The following MAN1A2 variants were observed in gnomAD, a reference collection of about 807,000 sequenced individuals.
The protein encoded by MAN1A2 is mannosyl-oligosaccharide 1,2-alpha-mannosidase IB.
In MAN1A2, 26 loss-of-function variants were observed where a neutral mutation model predicts 75.7. That is an observed-to-expected ratio of 0.34 (90% CI 0.25 to 0.48). MAN1A2 has a LOEUF of 0.48. Ranked by LOEUF, MAN1A2 falls within the 20% of genes least tolerant of loss-of-function variation. MAN1A2 has a pLI of 0.99. For synonymous variants in MAN1A2, 247 were observed against 264.6 expected (o/e 0.93, Z 0.65); for missense variants, 562 against 775.5 (o/e 0.72, Z 3.27).
At chr1:117,401,248 T>TA (rs1435876661) in intron 1 of MAN1A2, among the ~76,000 whole-genome samples, 1 of 152,060 alleles carries the variant, frequency 6.6e-6, no homozygotes, top group African/African-American at 2.4e-5. Flanking sequence ...TTTAGTGTTT[T>TA]AAAAAAACAC....
At position 117,527,299 on chromosome 1, in the gene MAN1A2, T is replaced by G. The variant is rs1328201423; in HGVS notation, c.*4342T>G. ...ACTATGTAAAGAATGGGCGTAGCTATGTTCCAGGAAAACTTTATTTACAAA... is the reference window on the plus strand; with the variant it reads ...ACTATGTAAAGAATGGGCGTAGCTAGGTTCCAGGAAAACTTTATTTACAAA... On this transcript the variant is annotated 3_prime_UTR_variant, in exon 13 of 13. Transcript: ENST00000356554. The G allele has an allele frequency of 6.6e-6, 1 of 151,932 alleles. No homozygotes were observed. The highest frequency in any genetic ancestry group is 2.4e-5 in the African/African-American group (1 of 41,412). 9.4% of individuals were successfully genotyped at this position (151,932 alleles called of 1,614,324 possible).
At chr1:117,398,258 C>T (rs1419164072) in intron 1 of MAN1A2, among the ~76,000 whole-genome samples, 4 of 152,036 alleles carry the variant, frequency 2.6e-5, no homozygotes. Flanking sequence ...TTTGTCTAAT[C>T]TAGGAGAAGT....
At chr1:117,491,411 G>A (rs1421559517) in intron 8 of MAN1A2, among the ~76,000 whole-genome samples, 2 of 152,084 alleles carry the variant, frequency 1.3e-5, no homozygotes, top group Non-Finnish European at 2.9e-5. Flanking sequence ...GAGCACATCT[G>A]TTGATGGCAG....
intron 12 of MAN1A2, chr1:117,515,450 A>T (rs1557981102): frequency 6.6e-6 from 1 of 152,126 alleles, no homozygotes; most frequent in Non-Finnish European, 1.5e-5. Flanking sequence ...CAGAGAAGGG[A>T]ATTTTGGTGC....
chr1:117,368,345 C>T lies in MAN1A2; in HGVS notation c.162C>T (p.Phe54=), dbSNP rs1652839363. 2 of 1,614,070 alleles carry T rather than the reference C, an allele frequency of 1.2e-6. No homozygotes were observed. Among genetic ancestry groups the T allele is most frequent in the Non-Finnish European group, 1.7e-6 (2 of 1,180,012 alleles). ...TCATCACTCTGTGTTTTGGGGCATT[C>T]TTTTTCCTTCCAGACTCTTCAAAAC... The part of the protein sequence containing the change: ...SAFITLCFGA[F]FFLPDSSKHK... Residue 54 remains phenylalanine (F), a synonymous_variant, in exon 1 of 13, where the codon TTC becomes TTT. Transcript: ENST00000356554.
intron 1 of MAN1A2, among the ~76,000 whole-genome samples, chr1:117,375,915 G>GTT (rs33969366): frequency 0.32 from 44,915 of 140,824 alleles, 8,079 homozygotes; most frequent in East Asian, 0.47. Flanking sequence ...ATTAATTTAT[G>GTT]TTTTTTTTTT....
At chr1:117,433,225 G>A (rs998590423) in intron 5 of MAN1A2, among the ~76,000 whole-genome samples, 3 of 152,010 alleles carry the variant, frequency 2.0e-5, no homozygotes, top group Non-Finnish European at 2.9e-5. Flanking sequence ...CCAACATGGA[G>A]TGCAAGGGAA....
intron 6 of MAN1A2, among the ~76,000 whole-genome samples, chr1:117,442,900 A>G (rs1026272125): frequency 6.6e-6 from 1 of 152,174 alleles, no homozygotes; most frequent in Admixed American, 6.5e-5. Context: ...AATCGAAAAC[A>G]TTGGTTTTTT....
At chr1:117,449,358 A>G (rs1374629116) in intron 6 of MAN1A2, among the ~76,000 whole-genome samples, 1 of 152,110 alleles carries the variant, frequency 6.6e-6, no homozygotes, top group Non-Finnish European at 1.5e-5. Flanking sequence ...TAGGAGTTCG[A>G]GACCAGCCTG....
At position 117,373,531 on chromosome 1, in the gene MAN1A2, G is replaced by A. The variant is rs577886035; in HGVS notation, c.302+5046G>A. ...TACATTCTGTGGTCCAGGCTGGAGT[G>A]CAGTGGCACAATTACAGTTCACTAT... is the stretch of plus-strand genomic sequence containing the variant. On this transcript the variant is annotated intron_variant, in intron 1 of 12. Transcript: ENST00000356554. 2.7e-5 allele frequency among the ~76,000 whole-genome samples: 4 copies of A among 146,998 alleles called. No homozygotes were observed. In the South Asian group the frequency reaches 8.7e-4, roughly 32 times the overall value.
At chr1:117,518,512 A>C (rs925823095) in intron 12 of MAN1A2, among the ~76,000 whole-genome samples, 3 of 152,044 alleles carry the variant, frequency 2.0e-5, no homozygotes, top group Non-Finnish European at 2.9e-5. Context: ...ATTTAAAAAA[A>C]CAGTAAAGAA....
At chr1:117,389,026 A>G (rs1653633587) in intron 1 of MAN1A2, among the ~76,000 whole-genome samples, 1 of 152,114 alleles carries the variant, frequency 6.6e-6, no homozygotes, top group Admixed American at 6.5e-5. Context: ...AATTTTTGGT[A>G]AAGGATCTTT....
chr1:117,440,928 G>T (rs1649010770), intron 5 of MAN1A2, among the ~76,000 whole-genome samples: 1 of 152,078 alleles, frequency 6.6e-6, no homozygotes, highest in East Asian at 1.9e-4. Flanking sequence ...AATAAAGAGA[G>T]AACTGATTTT....
Position 117,367,833 on chromosome 1 carries a change from C to A in MAN1A2, c.-351C>A, listed in dbSNP as rs182580809. Reference sequence around the variant, plus strand: ...GGGGCGGAAGACTACGTTTGAGCATCTCACTGAGGTGCAGGAATGGAAGAA... The same window carrying A: ...GGGGCGGAAGACTACGTTTGAGCATATCACTGAGGTGCAGGAATGGAAGAA... On this transcript the variant is annotated 5_prime_UTR_variant, in exon 1 of 13. Transcript: ENST00000356554. 1 of 210,316 alleles carries A rather than the reference C, an allele frequency of 4.8e-6. No individual in the cohort carries two copies. The highest frequency in any genetic ancestry group is 1.2e-4 in the East Asian group (1 of 8,430). The allele number at this position is 210,316 out of a possible 1,614,324, so 13.0% of individuals were successfully genotyped here.
chr1:117,429,558 G>C (rs1204189355), intron 5 of MAN1A2, among the ~76,000 whole-genome samples: 2 of 104,040 alleles, frequency 1.9e-5, no homozygotes, highest in Non-Finnish European at 4.2e-5. Context: ...CCTCCCGGAC[G>C]GGGCGGCTGG....
At chr1:117,421,293 T>C (rs1396977295) in intron 5 of MAN1A2, among the ~76,000 whole-genome samples, 3 of 152,122 alleles carry the variant, frequency 2.0e-5, no homozygotes, top group African/African-American at 7.2e-5. Context: ...TATTTTGGTT[T>C]GTTGATCTAG....
chr1:117,527,274 A>G lies in MAN1A2; in HGVS notation c.*4317A>G, dbSNP rs535062256. The G allele has an allele frequency of 6.6e-6, 1 of 151,982 alleles. No homozygotes were observed. The highest frequency in any genetic ancestry group is 2.1e-4 in the South Asian group (1 of 4,824). 9.4% of individuals were successfully genotyped at this position (151,982 alleles called of 1,614,324 possible). A position where few individuals can be genotyped will look rare whatever the true frequency, so the allele number is the denominator to read the frequency against. ...TGAAGTATCGAAAACAGATAGAGATACTATGTAAAGAATGGGCGTAGCTAT... is the reference window on the plus strand; with the variant it reads ...TGAAGTATCGAAAACAGATAGAGATGCTATGTAAAGAATGGGCGTAGCTAT... On this transcript the variant is annotated 3_prime_UTR_variant, in exon 13 of 13. Coordinates refer to ENST00000356554, the MANE Select transcript of MAN1A2 (RefSeq NM_006699.5).
intron 8 of MAN1A2, among the ~76,000 whole-genome samples, chr1:117,469,577 T>C (rs1650085566): frequency 6.6e-6 from 1 of 152,132 alleles, no homozygotes; most frequent in Admixed American, 6.6e-5. Flanking sequence ...TAAGGGTCTA[T>C]ACACAGAATA....
chr1:117,512,286 G>A (rs1651560383), intron 12 of MAN1A2, among the ~76,000 whole-genome samples: 1 of 152,124 alleles, frequency 6.6e-6, no homozygotes, highest in Non-Finnish European at 1.5e-5. Context: ...AGCAGAAACA[G>A]TACCAACTAA....
Sources: gnomAD v4.1 joint callset for allele counts (sites outside exome capture counted in the v4.1 genomes callset) on GRCh38, gnomAD v4.1.1 for gene constraint, MANE v1.5 for transcripts, NCBI Gene and HGNC (gene_info 2026-07-23, HGNC 2026-07-21) for gene names.